PRSS23: variants seen among roughly 807,000 people sequenced by gnomAD.
The protein encoded by PRSS23 is protease, serine 23.
Under a neutral mutation model 34.7 loss-of-function variants are expected in PRSS23, and 25 were observed. The observed-to-expected ratio is 0.72, with a 90% CI of 0.53 to 1.01. PRSS23 has a LOEUF of 1.01. PRSS23 is among the 50% of genes least tolerant of loss of function. The pLI is 0.00. For synonymous variants in PRSS23, 176 were observed against 186.6 expected, an observed-to-expected ratio of 0.94 and a Z score of 0.46; for missense variants, 445 against 475.6, an observed-to-expected ratio of 0.94 and a Z score of 0.60.
At chr11:86,835,673 C>G (rs946418920) in intron 2 of PRSS23, among the ~76,000 whole-genome samples, 4 of 152,130 alleles carry the variant, frequency 2.6e-5, no homozygotes, top group African/African-American at 9.7e-5. Context: ...TGAGATTAAG[C>G]CAGTATAGGC....
upstream of PRSS23, chr11:86,800,367 C>G (rs992664743): frequency 4.7e-6 from 4 of 850,842 alleles, no homozygotes; most frequent in South Asian, 1.6e-4. Flanking sequence ...GCCCTCTGGG[C>G]TGCTCCACCC....
intron 2 of PRSS23, among the ~76,000 whole-genome samples, chr11:86,919,116 G>A (rs367930111): frequency 1.3e-5 from 2 of 152,226 alleles, no homozygotes; most frequent in Admixed American, 6.5e-5. Flanking sequence ...TTCACAAAGG[G>A]TCTTCTGCCT....
At chr11:86,952,611 T>A in exon 3 of PRSS23, 1 of 857,012 alleles carries the variant, frequency 1.2e-6, no homozygotes, top group Non-Finnish European at 1.9e-6. Context: ...GTCTGTCTGT[T>A]TACTCTGACC....
At chr11:86,906,981 G>A (rs977820057) in intron 2 of PRSS23, among the ~76,000 whole-genome samples, 1 of 152,036 alleles carries the variant, frequency 6.6e-6, no homozygotes, top group Non-Finnish European at 1.5e-5. Flanking sequence ...ATTCTCTGTC[G>A]TGTGCATACC....
At chr11:86,824,412 G>C (rs1054791271) in intron 2 of PRSS23, among the ~76,000 whole-genome samples, 2 of 146,714 alleles carry the variant, frequency 1.4e-5, no homozygotes, top group Non-Finnish European at 3.0e-5. Flanking sequence ...TAAGAACAGT[G>C]GGGTGAGGCC....
intron 2 of PRSS23, among the ~76,000 whole-genome samples, chr11:86,919,995 A>G (rs563369388): frequency 2.6e-5 from 4 of 152,148 alleles, no homozygotes; most frequent in Admixed American, 2.6e-4. Context: ...AAATCAAACT[A>G]CAAGTAGACT....
intron 2 of PRSS23, among the ~76,000 whole-genome samples, chr11:86,883,106 C>A (rs1948781884): frequency 6.6e-6 from 1 of 152,146 alleles, no homozygotes; most frequent in Non-Finnish European, 1.5e-5. Context: ...GATATTAGAC[C>A]TTTGTCAGAT....
At chr11:86,926,011 A>C (rs1056048450) in intron 2 of PRSS23, among the ~76,000 whole-genome samples, 17 of 152,176 alleles carry the variant, frequency 1.1e-4, no homozygotes, top group African/African-American at 4.1e-4. Context: ...GTAAAGAATA[A>C]AACTAAATAT....
At chr11:86,820,167 T>C (rs533292512) in intron 1 of PRSS23, among the ~76,000 whole-genome samples, 17 of 152,178 alleles carry the variant, frequency 1.1e-4, no homozygotes, top group Admixed American at 5.2e-4. Context: ...TAATGCTGCC[T>C]AGCTGGTTAA....
At chr11:86,858,717 T>C (rs945006157) in intron 2 of PRSS23, among the ~76,000 whole-genome samples, 1 of 150,602 alleles carries the variant, frequency 6.6e-6, no homozygotes, top group Non-Finnish European at 1.5e-5. Flanking sequence ...TCACAGGGGG[T>C]GTACACAACC....
intron 1 of PRSS23, chr11:86,821,812 AC>A: frequency 1.4e-6 from 1 of 734,482 alleles, no homozygotes; most frequent in Non-Finnish European, 2.2e-6. Flanking sequence ...CTCCGCCATG[AC>A]CATAGTGTCA....
rs1291649915 is a variant in PRSS23 at position 86,951,287 on chromosome 11, G to A, written c.*2G>A. ...GGCAGACCAAATCCACATGCCTGAA[G>A]TGATGCCCACCAACAAAGACATAAA... On this transcript the variant is annotated 3_prime_UTR_variant, in exon 3 of 3. Coordinates refer to the PRSS23 transcript ENST00000533902. The A allele has an allele frequency of 6.2e-7, 1 of 1,614,118 alleles. No homozygotes were observed.
upstream of PRSS23, among the ~76,000 whole-genome samples, chr11:86,798,139 C>T (rs1947993272): frequency 6.6e-6 from 1 of 152,158 alleles, no homozygotes; most frequent in Admixed American, 6.5e-5. Flanking sequence ...TCCAGTTCCT[C>T]TATTAAGATA....
At chr11:86,876,759 C>G (rs182009376) in intron 2 of PRSS23, among the ~76,000 whole-genome samples, 1 of 151,980 alleles carries the variant, frequency 6.6e-6, no homozygotes, top group South Asian at 2.1e-4. Flanking sequence ...CAATTTGATT[C>G]ATTTCAAAGC....
Position 86,924,185 on chromosome 11 carries a change from T to A in PRSS23, c.207-27031T>A, listed in dbSNP as rs149474292. On this transcript the variant is annotated intron_variant, in intron 2 of 2. Transcript: ENST00000533902. ...GGAGGACAGCAGGGGAGTGAAACAT[T>A]GACCAGTTCTAATTTAGATGCAGGA... Among the ~76,000 whole-genome samples the A allele has an allele frequency of 3.9e-5, 6 of 152,194 alleles. No homozygotes were observed. In the South Asian group the frequency reaches 6.2e-4, roughly 16 times the overall value.
intron 2 of PRSS23, among the ~76,000 whole-genome samples, chr11:86,874,289 C>A (rs1489758608): frequency 6.6e-6 from 1 of 152,182 alleles, no homozygotes; most frequent in Admixed American, 6.5e-5. Flanking sequence ...CTGGGAGCAA[C>A]TTGTGTAGGG....
chr11:86,800,990 G>A (rs1221816164), intron 1 of PRSS23, among the ~76,000 whole-genome samples: 1 of 152,078 alleles, frequency 6.6e-6, no homozygotes, highest in East Asian at 1.9e-4. Flanking sequence ...GGGGGCGATG[G>A]CTACACCCCC....
At position 86,915,529 on chromosome 11, in the gene PRSS23, C is replaced by T. The variant is rs759339197; in HGVS notation, c.207-35687C>T. 1.2e-4 allele frequency among the ~76,000 whole-genome samples: 18 copies of T among 147,620 alleles called. No individual in the cohort carries two copies. The East Asian group carries it at 1.4e-3, about 11-fold the overall frequency. On this transcript the variant is annotated intron_variant, in intron 2 of 2. Coordinates refer to the PRSS23 transcript ENST00000533902. ...AATAAGGCAAATATCTGCTTAGAGT[C>T]GTAATAATAATATATATTATATATA...
rs77103514 is a variant in PRSS23 at position 86,838,041 on chromosome 11, G to A, written c.206+14448G>A. On this transcript the variant is annotated intron_variant, in intron 2 of 2. Coordinates refer to the PRSS23 transcript ENST00000533902. ...TTCCCTTTCCTAGCCAAGGGAAGCC[G>A]TGACAGACTGTATCTGAAGAAACGG... Among the ~76,000 whole-genome samples the A allele has an allele frequency of 1.3e-3, 196 of 151,962 alleles. 3 individuals are homozygous for A. The East Asian group carries it at 0.024, about 19-fold the overall frequency.
Sources: allele counts gnomAD v4.1 joint callset (sites outside exome capture counted in the v4.1 genomes callset), GRCh38; gene constraint gnomAD v4.1.1; transcripts MANE v1.5; gene names NCBI Gene and HGNC (gene_info 2026-07-23, HGNC 2026-07-21).